The following CRYAB variants were observed in gnomAD, a reference collection of about 807,000 sequenced individuals.
CRYAB encodes alpha-crystallin B chain.
In CRYAB, 9 loss-of-function variants were observed where a neutral mutation model predicts 12.7. The ratio of observed to expected loss-of-function variants is 0.71; its 90% CI spans 0.43 to 1.24. The LOEUF (loss-of-function observed/expected upper bound fraction) is 1.24, where lower values mean the gene tolerates loss of function less well. CRYAB is among the 50% of genes most tolerant of loss of function. The pLI, the probability that CRYAB is intolerant of heterozygous loss-of-function variation, is 0.00. For missense variants in CRYAB, 183 were observed against 226.6 expected (o/e 0.81, Z 1.24); for synonymous variants, 93 against 86.8 (o/e 1.07, Z -0.40).
chr11:111,913,157 G>C, upstream of CRYAB: 1 of 605,924 alleles, frequency 1.7e-6, no homozygotes, highest in East Asian at 2.8e-5. Flanking sequence ...TGCCGGCCTG[G>C]GTGTGCCTCC....
intron 1 of CRYAB, among the ~76,000 whole-genome samples, chr11:111,919,688 G>A (rs1269734672): frequency 6.6e-6 from 1 of 152,066 alleles, no homozygotes; most frequent in Non-Finnish European, 1.5e-5. Context: ...AATACTTTAT[G>A]AGGTAAATGG....
upstream of CRYAB, chr11:111,913,769 C>T (rs782763815): frequency 1.9e-6 from 3 of 1,614,194 alleles, no homozygotes; most frequent in Non-Finnish European, 2.5e-6. Flanking sequence ...ATGATGGCAT[C>T]TTAAACCTGG....
At chr11:111,919,301 C>G in intron 1 of CRYAB, 1 of 341,850 alleles carries the variant, frequency 2.9e-6, no homozygotes, top group Non-Finnish European at 5.6e-6. Context: ...GGTGAAACCC[C>G]GTCTCTACTG....
chr11:111,911,541 C>A lies in CRYAB; in HGVS notation c.184G>T (p.Asp62Tyr). ...AGACTCACCTCTGAGAGTCCAGTGT[C>A]AAACCAGCTGGGTGCCCGCAGGAAG... ...PSFLRAPSWF[D>Y]TGLSEMRLEK... is the part of the protein sequence containing the mutation. The change falls in exon 1 of 3, where the codon GAC (aspartate) becomes TAC (tyrosine). Residue 62 changes from aspartate to tyrosine, a missense_variant. Asp to Tyr is a radical substitution (Grantham distance 160). This residue lies in a region of CRYAB where 86 missense variants were observed against 96.1 expected (regional missense o/e 0.89). Coordinates refer to ENST00000650687, the MANE Select transcript of CRYAB (RefSeq NM_001289808.2). The A allele has an allele frequency of 1.2e-6, 2 of 1,611,446 alleles. No homozygotes were observed. The highest frequency in any genetic ancestry group is 2.2e-5 in the South Asian group (2 of 90,158).
chr11:111,915,057 G>A (rs587626869), upstream of CRYAB, among the ~76,000 whole-genome samples: 1 of 152,108 alleles, frequency 6.6e-6, no homozygotes, highest in African/African-American at 2.4e-5. Flanking sequence ...GTGACAGAGT[G>A]AGACCCTGCC....
rs1213680258 is a variant in CRYAB at position 111,911,569 on chromosome 11, G to C, written c.156C>G (p.Pro52=). The change falls in exon 1 of 3, where the codon CCC becomes CCG. Residue 52 remains proline, a synonymous_variant. Transcript: ENST00000650687. ...ACCAGCTGGGTGCCCGCAGGAAGGA[G>C]GGTGGCCGAAGGTAGAAGGGACTCA... ...TSLSPFYLRP[P]SFLRAPSWFD... is the part of the protein sequence containing the mutation. 6.2e-7 allele frequency: 1 copy of C among 1,613,248 alleles called. No homozygotes were observed. The highest frequency in any genetic ancestry group is 8.5e-7 in the Non-Finnish European group (1 of 1,179,786).
chr11:111,916,652 T>C (rs1410601353), upstream of CRYAB, among the ~76,000 whole-genome samples: 1 of 152,202 alleles, frequency 6.6e-6, no homozygotes, highest in Non-Finnish European at 1.5e-5. Flanking sequence ...AAATTATTAT[T>C]CCAGTCATGG....
chr11:111,919,795 C>A (rs1965659544), intron 1 of CRYAB, among the ~76,000 whole-genome samples: 1 of 152,164 alleles, frequency 6.6e-6, no homozygotes, highest in South Asian at 2.1e-4. Context: ...AGCAAGTAAA[C>A]CAAGATTCCA....
intron 1 of CRYAB, among the ~76,000 whole-genome samples, chr11:111,923,499 G>A (rs2137402671): frequency 6.6e-6 from 1 of 152,316 alleles, no homozygotes; most frequent in South Asian, 2.1e-4. Flanking sequence ...GCAAGAGTTG[G>A]AAATGTACTA....
chr11:111,909,380 TAAA>T (rs57155014), intron 2 of CRYAB: 1,249 of 317,640 alleles, frequency 3.9e-3, no homozygotes, highest in South Asian at 6.4e-3. Flanking sequence ...CTGCTGAAAT[TAAA>T]AAAAAAAAAA....
upstream of CRYAB, chr11:111,913,569 C>T (rs1555165866): frequency 6.2e-7 from 1 of 1,614,066 alleles, no homozygotes; most frequent in Non-Finnish European, 8.5e-7. Context: ...GGGCAAGTTC[C>T]AGGCATTTCT....
At chr11:111,915,832 T>G (rs1965589694), upstream of CRYAB, among the ~76,000 whole-genome samples, 1 of 152,152 alleles carries the variant, frequency 6.6e-6, no homozygotes. Flanking sequence ...AGCCTCAACC[T>G]CCCTTGCTCA....
Position 111,919,045 on chromosome 11 carries a change from T to G in CRYAB, c.-199+4658A>C, listed in dbSNP as rs1239096820. 1.7e-5 allele frequency: 27 copies of G among 1,611,928 alleles called. No homozygotes were observed. The East Asian group carries it at 6.0e-4, about 36-fold the overall frequency. On this transcript the variant is annotated intron_variant, in intron 1 of 3. Coordinates refer to the CRYAB transcript ENST00000527950. ...GGGCAAAGGGGAACATCTATCTCTGTTGGTGGATGTAGAGGCCCCGAAAAT... is the reference window on the plus strand; with the variant it reads ...GGGCAAAGGGGAACATCTATCTCTGGTGGTGGATGTAGAGGCCCCGAAAAT...
upstream of CRYAB, chr11:111,913,586 G>A (rs587754107): frequency 4.2e-5 from 68 of 1,614,196 alleles, no homozygotes; most frequent in South Asian, 6.9e-4. Context: ...TTCTGGATGT[G>A]AGCCACTTTA....
At chr11:111,917,529 G>A (rs1433336380), upstream of CRYAB, among the ~76,000 whole-genome samples, 1 of 151,926 alleles carries the variant, frequency 6.6e-6, no homozygotes, top group Non-Finnish European at 1.5e-5. Context: ...TTGGCCAGGT[G>A]TGGTGCCTCA....
At chr11:111,918,867 T>C in intron 1 of CRYAB, 2 of 1,343,050 alleles carry the variant, frequency 1.5e-6, no homozygotes, top group African/African-American at 1.4e-5. Flanking sequence ...AATCTGACAC[T>C]GACACAGACT....
intron 1 of CRYAB, 54 bp from the exon 2 acceptor site, chr11:111,910,503 A>AT: frequency 1.2e-5 from 19 of 1,604,172 alleles, no homozygotes; most frequent in Non-Finnish European, 1.6e-5. Context: ...AAAAATACTG[A>AT]TTACACAGGT....
intron 1 of CRYAB, chr11:111,910,815 T>TAATGATCCG: frequency 2.9e-6 from 1 of 349,892 alleles, no homozygotes; most frequent in South Asian, 2.7e-5. Context: ...CAGGTCTCTT[T>TAATGATCCG]GCCAGTTTTC....
chr11:111,911,790 C>A, upstream of CRYAB: 2 of 1,091,614 alleles, frequency 1.8e-6, no homozygotes, highest in Non-Finnish European at 2.7e-6. Context: ...TACAGCCAGC[C>A]CCTTATATAT....
Sources: allele counts gnomAD v4.1 joint callset (sites outside exome capture counted in the v4.1 genomes callset), GRCh38; gene constraint gnomAD v4.1.1; regional missense constraint gnomAD v4.1.1; transcripts MANE v1.5; gene names NCBI Gene and HGNC (gene_info 2026-07-23, HGNC 2026-07-21).